The following NCOA5 variants were observed in gnomAD, a reference collection of about 807,000 sequenced individuals.
The protein encoded by NCOA5 is nuclear receptor coactivator 5.
A neutral mutation model predicts 59.0 loss-of-function variants in NCOA5; 12 were observed. The ratio of observed to expected loss-of-function variants is 0.20; its 90% CI spans 0.13 to 0.33. The LOEUF (loss-of-function observed/expected upper bound fraction) is 0.33. Among genes scored for constraint, NCOA5 ranks in the 10% least tolerant of loss-of-function variants. The pLI, the probability that NCOA5 is intolerant of heterozygous loss-of-function variation, is 1.00. For missense variants in NCOA5, 655 were observed against 766.6 expected, an observed-to-expected ratio of 0.85 and a Z score of 1.72; for synonymous variants, 270 against 275.5, an observed-to-expected ratio of 0.98 and a Z score of 0.20.
chr20:46,063,938 G>GTTT (rs1248976794), intron 6 of NCOA5, among the ~76,000 whole-genome samples: 1 of 152,070 alleles, frequency 6.6e-6, no homozygotes, highest in Non-Finnish European at 1.5e-5. Flanking sequence ...CAGACTTGTA[G>GTTT]TAAAAACCAA....
chr20:46,076,886 G>A (rs555175566), intron 2 of NCOA5, among the ~76,000 whole-genome samples: 2 of 152,248 alleles, frequency 1.3e-5, no homozygotes, highest in African/African-American at 4.8e-5. Context: ...GGCATACAAA[G>A]GTGACCTGTA....
At chr20:46,085,134 G>T (rs1267974418) in intron 1 of NCOA5, among the ~76,000 whole-genome samples, 2 of 152,016 alleles carry the variant, frequency 1.3e-5, no homozygotes, top group East Asian at 3.9e-4. Flanking sequence ...GAACTCAAGC[G>T]GTCTTCCTGC....
At chr20:46,085,970 T>C (rs946127620) in intron 1 of NCOA5, among the ~76,000 whole-genome samples, 7 of 152,206 alleles carry the variant, frequency 4.6e-5, no homozygotes, top group East Asian at 3.9e-4. Context: ...GAGAAAAAAA[T>C]TGAAAAAGTC....
chr20:46,062,282 G>A lies in NCOA5; in HGVS notation c.*18C>T. The A allele has an allele frequency of 2.5e-6, 4 of 1,593,778 alleles. No homozygotes were observed. Among genetic ancestry groups the A allele is most frequent in the Non-Finnish European group, 3.4e-6 (4 of 1,164,974 alleles). On this transcript the variant is annotated 3_prime_UTR_variant, in exon 8 of 8. Coordinates refer to ENST00000290231, the MANE Select transcript of NCOA5 (RefSeq NM_020967.3). ...GGCCAGGGGATGAGGGGACTGGGGA[G>A]AGTTGAAAGATTTAGCTTCAGTAAT...
At chr20:46,089,480 G>A (rs2085077818) in intron 1 of NCOA5, among the ~76,000 whole-genome samples, 1 of 152,192 alleles carries the variant, frequency 6.6e-6, no homozygotes, top group African/African-American at 2.4e-5. Context: ...CAGGGGGTGC[G>A]GGATGTGCGG....
rs369286041 is a variant in NCOA5, at chr20:46,063,387, T to A, written c.1123A>T (p.Met375Leu). 6.2e-7 allele frequency: 1 copy of A among 1,613,558 alleles called. No homozygotes were observed. Among genetic ancestry groups the A allele is most frequent in the Non-Finnish European group, 8.5e-7 (1 of 1,180,028 alleles). Reference sequence around the variant, plus strand: ...GGCAGAGAGTCGGTGCTGCTCCTCATCAGCCGCTCCTTCCGCTCTCGCAGG... The same window carrying A: ...GGCAGAGAGTCGGTGCTGCTCCTCAACAGCCGCTCCTTCCGCTCTCGCAGG... ...NYLRERKERL[M>L]RSSTDSLPGP... The change falls in exon 7 of 8, where the codon ATG becomes TTG. Residue 375 changes from methionine to leucine, a missense_variant. This residue lies in a region of NCOA5 where 325 missense variants were observed against 353.2 expected (regional missense o/e 0.92). Coordinates refer to ENST00000290231, the MANE Select transcript of NCOA5 (RefSeq NM_020967.3).
chr20:46,085,780 T>C (rs1460844651), intron 1 of NCOA5, among the ~76,000 whole-genome samples: 1 of 152,156 alleles, frequency 6.6e-6, no homozygotes, highest in African/African-American at 2.4e-5. Flanking sequence ...AAGAATCTAG[T>C]GGCTAGAGGG....
chr20:46,066,494 A>T (rs1007176971), intron 5 of NCOA5, among the ~76,000 whole-genome samples: 1 of 152,190 alleles, frequency 6.6e-6, no homozygotes, highest in African/African-American at 2.4e-5. Flanking sequence ...ATGGTTCCAC[A>T]GGGCTAATCC....
intron 6 of NCOA5, among the ~76,000 whole-genome samples, chr20:46,064,655 G>A (rs2084801777): frequency 6.6e-6 from 1 of 152,212 alleles, no homozygotes; most frequent in South Asian, 2.1e-4. Context: ...AGCCAACTGT[G>A]TACATTTCTT....
intron 1 of NCOA5, among the ~76,000 whole-genome samples, chr20:46,085,490 T>C (rs1484671699): frequency 1.3e-5 from 2 of 149,324 alleles, no homozygotes; most frequent in Non-Finnish European, 3.0e-5. Flanking sequence ...AATGTGTGTA[T>C]GGAGGGGGTG....
Position 46,068,565 on chromosome 20 carries a change from G to A in NCOA5, c.439C>T (p.Arg147Cys), listed in dbSNP as rs533020842. ...CRRKDDSYFD[R>C]YRDSFDGRGP... is the part of the protein sequence containing the mutation. ...CGTCCATCAAAGCTATCTCTGTAAC[G>A]GTCAAAATAAGAGTCATCCTTTCTC... The change falls in exon 4 of 8, where the codon CGT (arginine) becomes TGT (cysteine). Residue 147 changes from arginine to cysteine, a missense_variant. Transcript: ENST00000290231. 2 of 1,613,694 alleles carry A rather than the reference G, an allele frequency of 1.2e-6. No homozygotes were observed. Among genetic ancestry groups the A allele is most frequent in the South Asian group, 1.1e-5 (1 of 90,962 alleles).
At chr20:46,072,064 T>C (rs2084888494) in intron 2 of NCOA5, among the ~76,000 whole-genome samples, 1 of 152,184 alleles carries the variant, frequency 6.6e-6, no homozygotes, top group Admixed American at 6.5e-5. Context: ...CTGGATGTCA[T>C]CTTTCCCTTA....
intron 5 of NCOA5, among the ~76,000 whole-genome samples, chr20:46,065,579 G>A (rs1381643140): frequency 6.6e-6 from 1 of 152,184 alleles, no homozygotes; most frequent in Non-Finnish European, 1.5e-5. Context: ...TGGGTTTAAC[G>A]CTAGAAACAT....
intron 2 of NCOA5, among the ~76,000 whole-genome samples, chr20:46,072,405 G>A (rs183702071): frequency 6.6e-6 from 1 of 152,252 alleles, no homozygotes; most frequent in East Asian, 1.9e-4. Context: ...TGGGATCACG[G>A]AACACTACAG....
chr20:46,088,594 G>A (rs952854029), intron 1 of NCOA5, among the ~76,000 whole-genome samples: 7 of 152,218 alleles, frequency 4.6e-5, no homozygotes, highest in Non-Finnish European at 8.8e-5. Flanking sequence ...AGGGGGCTAC[G>A]ACATCACAAC....
At position 46,088,593 on chromosome 20, in the gene NCOA5, C is replaced by T. The variant is rs61060781; in HGVS notation, c.-30+1224G>A. 8.6e-3 allele frequency among the ~76,000 whole-genome samples: 1,307 copies of T among 152,332 alleles called. 26 individuals carry two copies. The highest frequency in any genetic ancestry group is 0.029 in the African/African-American group (1,222 of 41,574). On this transcript the variant is annotated intron_variant, in intron 1 of 7. Coordinates refer to ENST00000290231, the MANE Select transcript of NCOA5 (RefSeq NM_020967.3). ...CTTTTTATGAGCCAACAGGGGGCTA[C>T]GACATCACAACGCTGTAAGAAAATT...
Position 46,061,347 on chromosome 20 carries a change from G to A in NCOA5, c.*953C>T, listed in dbSNP as rs2084759945. 1.3e-5 allele frequency: 2 copies of A among 152,656 alleles called. No homozygotes were observed. The highest frequency in any genetic ancestry group is 4.8e-5 in the African/African-American group (2 of 41,436). 9.5% of individuals were successfully genotyped at this position (152,656 alleles called of 1,614,324 possible). A position where few individuals can be genotyped will look rare whatever the true frequency, so the allele number is the denominator to read the frequency against. On this transcript the variant is annotated 3_prime_UTR_variant, in exon 8 of 8. Coordinates refer to ENST00000290231, the MANE Select transcript of NCOA5 (RefSeq NM_020967.3). Reference sequence around the variant, plus strand: ...AGTCGCGAACAGCCACCCATCTCGAGAACATGTCCAGCTACCAGAAGTCTG... The same window carrying A: ...AGTCGCGAACAGCCACCCATCTCGAAAACATGTCCAGCTACCAGAAGTCTG...
intron 7 of NCOA5, 115 bp downstream of exon 7, chr20:46,063,245 A>T: frequency 9.6e-7 from 1 of 1,044,092 alleles, no homozygotes; most frequent in Non-Finnish European, 1.4e-6. Flanking sequence ...CAAGGGATGG[A>T]CTTAGTTCCC....
chr20:46,071,155 AG>A (rs1436197176), intron 2 of NCOA5, among the ~76,000 whole-genome samples: 1 of 147,134 alleles, frequency 6.8e-6, no homozygotes, highest in Non-Finnish European at 1.5e-5. Flanking sequence ...AAAAAAAAAA[AG>A]AGAACAAAAC....
Sources: gnomAD v4.1 joint callset for allele counts (sites outside exome capture counted in the v4.1 genomes callset) on GRCh38, gnomAD v4.1.1 for gene constraint, gnomAD v4.1.1 regional missense constraint, MANE v1.5 for transcripts, NCBI Gene and HGNC (gene_info 2026-07-23, HGNC 2026-07-21) for gene names.